CNTNAP3B: variants seen among roughly 807,000 people sequenced by gnomAD.
The protein encoded by CNTNAP3B is contactin-associated protein-like 3B.
A neutral mutation model predicts 108.9 loss-of-function variants in CNTNAP3B; 25 were observed. The ratio of observed to expected loss-of-function variants is 0.23; its 90% CI spans 0.17 to 0.32. The LOEUF is 0.32. CNTNAP3B is among the 10% of genes least tolerant of loss of function. CNTNAP3B has a pLI of 1.00. For missense variants in CNTNAP3B, 252 were observed against 1,210.4 expected, an observed-to-expected ratio of 0.21 and a Z score of 11.75; for synonymous variants, 103 against 473.4, an observed-to-expected ratio of 0.22 and a Z score of 10.16.
chr9:42,053,466 A>G (rs1826996040), intron 3 of CNTNAP3B, among the ~76,000 whole-genome samples: 1 of 133,460 alleles, frequency 7.5e-6, no homozygotes, highest in African/African-American at 3.0e-5. Context: ...TGGCAGGCAA[A>G]GAGTAGACAA....
intron 2 of CNTNAP3B, among the ~76,000 whole-genome samples, chr9:42,085,527 T>C (rs1179755857): frequency 7.2e-6 from 1 of 138,626 alleles, no homozygotes; most frequent in Non-Finnish European, 1.5e-5. Flanking sequence ...AATGTACTTA[T>C]CAGGAAGAAT....
chr9:41,957,752 T>C (rs1223208485), intron 12 of CNTNAP3B, among the ~76,000 whole-genome samples: 1 of 152,270 alleles, frequency 6.6e-6, no homozygotes, highest in East Asian at 1.9e-4. Context: ...TTTTGTTTGT[T>C]TGTTTTGTTT....
chr9:42,124,570 G>T (rs1458785246), intron 1 of CNTNAP3B, among the ~76,000 whole-genome samples: 8 of 127,326 alleles, frequency 6.3e-5, no homozygotes, highest in African/African-American at 9.7e-5. Flanking sequence ...CCAAGCGTTT[G>T]CAAATGCTCT....
chr9:42,053,866 G>A (rs1354302053), intron 3 of CNTNAP3B, among the ~76,000 whole-genome samples: 2 of 145,498 alleles, frequency 1.4e-5, no homozygotes, highest in Non-Finnish European at 1.5e-5. Context: ...TTGAGACAGC[G>A]ATGCGCTGCC....
At chr9:42,090,699 G>T in intron 2 of CNTNAP3B, among the ~76,000 whole-genome samples, 1 of 56,672 alleles carries the variant, frequency 1.8e-5, no homozygotes, top group Non-Finnish European at 3.5e-5. Context: ...TATACAGTTA[G>T]TATACACTAA....
intron 4 of CNTNAP3B, among the ~76,000 whole-genome samples, chr9:42,004,839 T>TG (rs1446954670): frequency 9.0e-6 from 1 of 111,398 alleles, no homozygotes; most frequent in African/African-American, 3.1e-5. Context: ...CTGCAATCGA[T>TG]GAATACACAA....
At chr9:41,958,705 A>AAAAC (rs1554743419) in intron 12 of CNTNAP3B, among the ~76,000 whole-genome samples, 1 of 144,576 alleles carries the variant, frequency 6.9e-6, no homozygotes, top group Non-Finnish European at 1.5e-5. Context: ...TCTGAAAACA[A>AAAAC]AAAACAAAAC....
Position 42,105,620 on chromosome 9 carries a change from G to A in CNTNAP3B, c.86-881C>T, listed in dbSNP as rs1828082104. Among the ~76,000 whole-genome samples the A allele has an allele frequency of 3.6e-5, 2 of 55,260 alleles. 1 individual carries two copies. The highest frequency in any genetic ancestry group is 8.0e-5 in the Non-Finnish European group (2 of 25,028). The allele number at this position is 55,260 out of a possible 152,430, so 36.3% of individuals were successfully genotyped here. A position where few individuals can be genotyped will look rare whatever the true frequency, so the allele number is the denominator to read the frequency against. ...TGGTGTTCCCCACCATCAAACTTGAGGAGCCCCTGGGACCATTCCCACCTT... is the reference window on the plus strand; with the variant it reads ...TGGTGTTCCCCACCATCAAACTTGAAGAGCCCCTGGGACCATTCCCACCTT... On this transcript the variant is annotated intron_variant, in intron 1 of 23. Transcript: ENST00000377561.
At position 42,030,811 on chromosome 9, in the gene CNTNAP3B, GAGGAGAGA is replaced by G. The variant is rs1403497413; in HGVS notation, c.391-17294_391-17287del. On this transcript the variant is annotated intron_variant, in intron 3 of 23. Transcript: ENST00000377561. The stretch of plus-strand genomic sequence containing the variant: ...TGTGTGCGAGAGAGAGAGAGAGAGA[GAGGAGAGA>G]GAGAGAGAGAGAGAGAGAGAGAGAG... Among the ~76,000 whole-genome samples the G allele has an allele frequency of 6.5e-4, 48 of 73,912 alleles. 4 individuals are homozygous for G. The highest frequency in any genetic ancestry group is 1.7e-3 in the African/African-American group (32 of 18,304). The allele number at this position is 73,912 out of a possible 152,430, so 48.5% of individuals were successfully genotyped here.
At chr9:41,933,987 TTTG>T (rs1824060535) in intron 14 of CNTNAP3B, among the ~76,000 whole-genome samples, 1 of 150,414 alleles carries the variant, frequency 6.6e-6, no homozygotes, top group Admixed American at 6.6e-5. Flanking sequence ...CTATATCAAG[TTTG>T]TTAATTATAA....
At chr9:41,990,387 G>A (rs1387904083) in intron 8 of CNTNAP3B, among the ~76,000 whole-genome samples, 2 of 129,066 alleles carry the variant, frequency 1.5e-5, no homozygotes, top group Admixed American at 1.6e-4. Context: ...CGTCTCCTCT[G>A]AATATCTGTT....
intron 9 of CNTNAP3B, among the ~76,000 whole-genome samples, chr9:41,981,916 T>TAAA (rs202180921): frequency 0.19 from 7,145 of 38,078 alleles, 304 homozygotes; most frequent in East Asian, 0.39. Flanking sequence ...ATAATAATAA[T>TAAA]AAATTAGCTG....
At chr9:42,109,816 T>C (rs1828156665) in intron 1 of CNTNAP3B, among the ~76,000 whole-genome samples, 1 of 134,336 alleles carries the variant, frequency 7.4e-6, no homozygotes, top group South Asian at 2.4e-4. Context: ...GACGAGGAAA[T>C]TATCTTGAAT....
chr9:42,058,284 C>G (rs1429178703), intron 3 of CNTNAP3B, among the ~76,000 whole-genome samples: 1 of 152,348 alleles, frequency 6.6e-6, no homozygotes, highest in East Asian at 1.9e-4. Context: ...TTTGAGGAAA[C>G]TCCCCACTGC....
At chr9:41,954,538 A>C (rs1229910555) in intron 12 of CNTNAP3B, among the ~76,000 whole-genome samples, 1 of 152,298 alleles carries the variant, frequency 6.6e-6, no homozygotes, top group East Asian at 1.9e-4. Context: ...AAATCTGCAA[A>C]TTTAAATAAC....
chr9:41,932,605 C>T (rs1321428394), intron 14 of CNTNAP3B, among the ~76,000 whole-genome samples: 1 of 152,162 alleles, frequency 6.6e-6, no homozygotes, highest in Non-Finnish European at 1.5e-5. Flanking sequence ...CTGCAACCTC[C>T]ACCCCCAGGA....
intron 1 of CNTNAP3B, among the ~76,000 whole-genome samples, chr9:42,114,742 A>T (rs1331379371): frequency 1.5e-5 from 2 of 131,344 alleles, no homozygotes; most frequent in Non-Finnish European, 1.6e-5. Context: ...ACCCAGAAAA[A>T]ACATGTTCCA....
intron 14 of CNTNAP3B, among the ~76,000 whole-genome samples, chr9:41,932,843 A>T (rs1273702371): frequency 6.6e-6 from 1 of 152,218 alleles, no homozygotes; most frequent in Non-Finnish European, 1.5e-5. Context: ...ATTTTGGGGG[A>T]GTAGGTCAGC....
At position 42,047,307 on chromosome 9, in the gene CNTNAP3B, T is replaced by G. The variant is rs1324436998; in HGVS notation, c.390+29562A>C. Among the ~76,000 whole-genome samples the G allele has an allele frequency of 3.2e-5, 4 of 123,740 alleles. 1 individual carries two copies. Among genetic ancestry groups the G allele is most frequent in the African/African-American group, 1.0e-4 (3 of 29,576 alleles). The allele number at this position is 123,740 out of a possible 152,430, so 81.2% of individuals were successfully genotyped here. A position where few individuals can be genotyped will look rare whatever the true frequency, so the allele number is the denominator to read the frequency against. ...ATCGCTGCAGGGTTCAGACTTTGAA[T>G]GAAGGTAGAAAATTAGCCTTCAGCA... On this transcript the variant is annotated intron_variant, in intron 3 of 23. Coordinates refer to ENST00000377561, the MANE Select transcript of CNTNAP3B (RefSeq NM_001201380.3).
Sources: gnomAD v4.1 joint callset for allele counts (sites outside exome capture counted in the v4.1 genomes callset) on GRCh38, gnomAD v4.1.1 for gene constraint, MANE v1.5 for transcripts, NCBI Gene and HGNC (gene_info 2026-07-23, HGNC 2026-07-21) for gene names.